SYNPR: variants seen among roughly 807,000 people sequenced by gnomAD.
SYNPR encodes the protein synaptoporin.
In SYNPR, 23 loss-of-function variants were observed where a neutral mutation model predicts 32.9. The observed-to-expected ratio is 0.70, with a 90% CI of 0.50 to 0.99. SYNPR has a LOEUF of 0.99. Ranked by LOEUF, SYNPR falls within the 50% of genes least tolerant of loss-of-function variation. The pLI, the probability that SYNPR is intolerant of heterozygous loss-of-function variation, is 0.00. For missense variants in SYNPR, 318 were observed against 349.3 expected (o/e 0.91, Z 0.71); for synonymous variants, 146 against 135.9 (o/e 1.07, Z -0.52).
intron 2 of SYNPR, among the ~76,000 whole-genome samples, chr3:63,312,626 T>A (rs985568607): frequency 7.2e-5 from 11 of 152,026 alleles, no homozygotes; most frequent in Middle Eastern, 3.2e-3. Flanking sequence ...TCTACCCACA[T>A]GCTTTCCTCT....
chr3:63,553,663 A>G lies in SYNPR; in HGVS notation c.210-2880A>G, dbSNP rs1702540869. On this transcript the variant is annotated intron_variant, in intron 3 of 5. Coordinates refer to ENST00000478300, the MANE Select transcript of SYNPR (RefSeq NM_001130003.2). Reference sequence around the variant, plus strand: ...GGTTTTGATTTGCATTTCTCTGATGATTAGTGAAGATGAGTATTTTTTAAT... The same window carrying G: ...GGTTTTGATTTGCATTTCTCTGATGGTTAGTGAAGATGAGTATTTTTTAAT... 3.9e-5 allele frequency among the ~76,000 whole-genome samples: 6 copies of G among 152,234 alleles called. No homozygotes were observed. The South Asian group carries it at 8.3e-4, about 21-fold the overall frequency.
At chr3:63,543,808 C>T (rs763614168) in intron 3 of SYNPR, among the ~76,000 whole-genome samples, 67 of 152,104 alleles carry the variant, frequency 4.4e-4, no homozygotes, top group Non-Finnish European at 9.3e-4. Flanking sequence ...GCCCTAGACA[C>T]TGTACTTGAC....
intron 3 of SYNPR, among the ~76,000 whole-genome samples, chr3:63,530,179 C>CT (rs1384660060): frequency 6.6e-5 from 10 of 152,132 alleles, no homozygotes; most frequent in Non-Finnish European, 1.0e-4. Flanking sequence ...AAAAAAAACT[C>CT]TTTTTCCTGC....
chr3:63,476,141 GGA>G lies in SYNPR; in HGVS notation c.85-4690_85-4689del, dbSNP rs1700902716. 1.2e-4 allele frequency among the ~76,000 whole-genome samples: 4 copies of G among 32,996 alleles called. 1 individual carries two copies. The highest frequency in any genetic ancestry group is 3.0e-4 in the Admixed American group (1 of 3,298). The allele number at this position is 32,996 out of a possible 152,430, so 21.6% of individuals were successfully genotyped here. A position where few individuals can be genotyped will look rare whatever the true frequency, so the allele number is the denominator to read the frequency against. ...AGGAAGGAAGGAAGGAAGGAAGGAA[GGA>G]AGGAAGGGAGGGAGGGAGGGAGGGA... is the stretch of plus-strand genomic sequence containing the variant. On this transcript the variant is annotated intron_variant, in intron 2 of 5. Coordinates refer to ENST00000478300, the MANE Select transcript of SYNPR (RefSeq NM_001130003.2).
chr3:63,229,274 T>C (rs773283009), intron 1 of SYNPR, among the ~76,000 whole-genome samples: 4 of 152,090 alleles, frequency 2.6e-5, no homozygotes, highest in African/African-American at 9.7e-5. Flanking sequence ...TACACACACA[T>C]CCTGTGTGTT....
At chr3:63,532,227 T>C (rs1702125220) in intron 3 of SYNPR, among the ~76,000 whole-genome samples, 1 of 152,206 alleles carries the variant, frequency 6.6e-6, no homozygotes. Flanking sequence ...TTTCCCTCTT[T>C]CAATCGTATG....
chr3:63,210,065 C>T, the SYNPR span, among the ~76,000 whole-genome samples: 1 of 151,828 alleles, frequency 6.6e-6, no homozygotes, highest in Non-Finnish European at 1.5e-5. Context: ...ACTAAGAGAA[C>T]AGTCAAGTGA....
At chr3:63,412,513 A>G (rs2107119366) in intron 2 of SYNPR, among the ~76,000 whole-genome samples, 1 of 152,274 alleles carries the variant, frequency 6.6e-6, no homozygotes, top group South Asian at 2.1e-4. Context: ...AGTATAGCTG[A>G]GACATATAAA....
intron 3 of SYNPR, among the ~76,000 whole-genome samples, chr3:63,555,783 C>T (rs1001752616): frequency 1.3e-5 from 2 of 152,134 alleles, no homozygotes; most frequent in Non-Finnish European, 2.9e-5. Flanking sequence ...CCAAGATTCC[C>T]ACTATCATGG....
chr3:63,399,690 T>A (rs1156591542), intron 2 of SYNPR, among the ~76,000 whole-genome samples: 2 of 152,184 alleles, frequency 1.3e-5, no homozygotes, highest in Non-Finnish European at 2.9e-5. Context: ...CAGGTGGACC[T>A]TGCCTGTGGT....
In SYNPR at chr3:63,615,229, T is replaced by G. The variant is rs150251873; in HGVS notation, c.606T>G (p.Phe202Leu). 1 of 1,613,494 alleles carries G rather than the reference T, an allele frequency of 6.2e-7. No homozygotes were observed. Among genetic ancestry groups the G allele is most frequent in the Non-Finnish European group, 8.5e-7 (1 of 1,179,594 alleles). ...VMSSLNTSVV[F>L]GFLNFILWAG... ...TGGCTTTGATTCTCCTTCAGGTCTT[T>G]GGATTCTTGAACTTTATTCTCTGGG... is the stretch of plus-strand genomic sequence containing the variant. Residue 202 changes from phenylalanine (F) to leucine (L), a missense_variant, in exon 6 of 6, where the codon TTT becomes TTG. Coordinates refer to ENST00000478300, the MANE Select transcript of SYNPR (RefSeq NM_001130003.2).
chr3:63,222,011 A>ATTTTTTTTTTTTTTTTTTTT, the SYNPR span, among the ~76,000 whole-genome samples: 156 of 56,392 alleles, frequency 2.8e-3, 28 homozygotes, highest in South Asian at 4.6e-3. Flanking sequence ...GCCATGCTCA[A>ATTTTTTTTTTTTTTTTTTTT]TTTTTTTTTT....
chr3:63,471,446 T>C (rs968293334), intron 2 of SYNPR, among the ~76,000 whole-genome samples: 2 of 152,116 alleles, frequency 1.3e-5, no homozygotes, highest in African/African-American at 2.4e-5. Context: ...GCAGTAACCA[T>C]AAACTGATGG....
At chr3:63,396,468 C>T (rs1254242563) in intron 2 of SYNPR, among the ~76,000 whole-genome samples, 3 of 152,150 alleles carry the variant, frequency 2.0e-5, no homozygotes, top group African/African-American at 7.2e-5. Flanking sequence ...AAATCAGTAT[C>T]CCTTTCAGAA....
At chr3:63,408,233 GAA>G (rs2088398619) in intron 2 of SYNPR, among the ~76,000 whole-genome samples, 1 of 60,572 alleles carries the variant, frequency 1.7e-5, no homozygotes, top group Non-Finnish European at 3.5e-5. Flanking sequence ...AGGAAGGAAA[GAA>G]AGAAAGAAAG....
chr3:63,546,785 A>G (rs1056524891), intron 3 of SYNPR, among the ~76,000 whole-genome samples: 6 of 152,214 alleles, frequency 3.9e-5, no homozygotes, highest in African/African-American at 1.4e-4. Flanking sequence ...AAGGAGAAAT[A>G]CCTCTGTTAT....
intron 4 of SYNPR, among the ~76,000 whole-genome samples, chr3:63,604,037 GTC>G (rs1263053124): frequency 1.3e-5 from 2 of 152,084 alleles, no homozygotes; most frequent in Non-Finnish European, 2.9e-5. Flanking sequence ...GTCATTATTA[GTC>G]TGTTCAGGGA....
chr3:63,611,608 A>G (rs1230633969), intron 5 of SYNPR, among the ~76,000 whole-genome samples: 1 of 152,054 alleles, frequency 6.6e-6, no homozygotes, highest in Non-Finnish European at 1.5e-5. Flanking sequence ...TCCATCTCTC[A>G]TCTCTCTTTC....
At chr3:63,369,443 C>T (rs868333322) in intron 2 of SYNPR, among the ~76,000 whole-genome samples, 1 of 152,182 alleles carries the variant, frequency 6.6e-6, no homozygotes, top group African/African-American at 2.4e-5. Flanking sequence ...TATGTACCTG[C>T]AAAAACAACA....
Sources: allele counts gnomAD v4.1 joint callset (sites outside exome capture counted in the v4.1 genomes callset), GRCh38; gene constraint gnomAD v4.1.1; transcripts MANE v1.5; gene names NCBI Gene and HGNC (gene_info 2026-07-23, HGNC 2026-07-21).